The following CHSY3 variants were observed in gnomAD, a reference collection of about 807,000 sequenced individuals.
CHSY3 encodes chondroitin sulfate synthase 3.
Under a neutral mutation model 67.2 loss-of-function variants are expected in CHSY3, and 35 were observed. The ratio of observed to expected loss-of-function variants is 0.52; its 90% CI spans 0.40 to 0.69. CHSY3 has a LOEUF of 0.69. Among genes scored for constraint, CHSY3 ranks in the 30% least tolerant of loss-of-function variants. The pLI, the probability that CHSY3 is intolerant of heterozygous loss-of-function variation, is 0.00. For synonymous variants in CHSY3, 474 were observed against 434.7 expected, an observed-to-expected ratio of 1.09 and a Z score of -1.12; for missense variants, 1,069 against 1,138.5, an observed-to-expected ratio of 0.94 and a Z score of 0.88.
At chr5:130,119,790 C>T (rs1414367259) in intron 2 of CHSY3, among the ~76,000 whole-genome samples, 7 of 152,136 alleles carry the variant, frequency 4.6e-5, no homozygotes, top group Non-Finnish European at 8.8e-5. Context: ...TTTCTACTTA[C>T]TATCACTCCT....
intron 2 of CHSY3, among the ~76,000 whole-genome samples, chr5:129,937,078 T>C (rs1435437090): frequency 6.6e-6 from 1 of 152,206 alleles, no homozygotes; most frequent in Non-Finnish European, 1.5e-5. Flanking sequence ...CACTTGAAGG[T>C]AAACTCTTCC....
chr5:130,174,298 TAAAA>T (rs1187464665), intron 2 of CHSY3, among the ~76,000 whole-genome samples: 2 of 144,650 alleles, frequency 1.4e-5, no homozygotes, highest in Middle Eastern at 3.6e-3. Context: ...CCTTTCTCGT[TAAAA>T]AAAAAAAAGT....
chr5:129,942,117 A>G (rs1014046619), intron 2 of CHSY3, among the ~76,000 whole-genome samples: 1 of 152,102 alleles, frequency 6.6e-6, no homozygotes, highest in African/African-American at 2.4e-5. Context: ...TAAAATCTAC[A>G]ATCAGAAAGG....
chr5:130,051,090 A>G (rs1359401297), intron 2 of CHSY3, among the ~76,000 whole-genome samples: 4 of 152,148 alleles, frequency 2.6e-5, no homozygotes, highest in African/African-American at 9.7e-5. Flanking sequence ...TATAATTGCA[A>G]GTAAATCTTT....
chr5:130,025,913 G>C (rs958433211), intron 2 of CHSY3, among the ~76,000 whole-genome samples: 1 of 152,096 alleles, frequency 6.6e-6, no homozygotes, highest in African/African-American at 2.4e-5. Context: ...TGCGTAATTC[G>C]TTTTGACCAC....
chr5:130,090,081 G>A (rs1033297944), intron 2 of CHSY3, among the ~76,000 whole-genome samples: 1 of 152,030 alleles, frequency 6.6e-6, no homozygotes, highest in Non-Finnish European at 1.5e-5. Context: ...TTCACTCCAG[G>A]TACTAATACC....
intron 2 of CHSY3, among the ~76,000 whole-genome samples, chr5:129,985,196 TA>T (rs1390824234): frequency 6.6e-6 from 1 of 152,122 alleles, no homozygotes; most frequent in African/African-American, 2.4e-5. Context: ...GTTGGTTTTT[TA>T]AAATATGGTG....
At chr5:129,913,322 G>T (rs1760630061) in intron 2 of CHSY3, among the ~76,000 whole-genome samples, 3 of 152,126 alleles carry the variant, frequency 2.0e-5, no homozygotes, top group African/African-American at 4.8e-5. Flanking sequence ...CAAGTTTCAT[G>T]ATAATATTCT....
At chr5:130,107,077 G>A (rs949169745) in intron 2 of CHSY3, among the ~76,000 whole-genome samples, 2 of 151,128 alleles carry the variant, frequency 1.3e-5, no homozygotes, top group African/African-American at 4.8e-5. Context: ...ACTAAAATAT[G>A]GGTAACTAAG....
chr5:130,176,707 C>A (rs544228687), intron 2 of CHSY3, among the ~76,000 whole-genome samples: 1 of 152,106 alleles, frequency 6.6e-6, no homozygotes, highest in Non-Finnish European at 1.5e-5. Flanking sequence ...ATGGATGAAG[C>A]TGGAAACCAT....
chr5:130,037,845 A>G (rs1031986858), intron 2 of CHSY3, among the ~76,000 whole-genome samples: 15 of 152,224 alleles, frequency 9.9e-5, no homozygotes, highest in Admixed American at 6.5e-4. Flanking sequence ...AAAAGCAGCC[A>G]TTTGATCACA....
At chr5:130,133,778 A>G (rs1394298926) in intron 2 of CHSY3, among the ~76,000 whole-genome samples, 1 of 117,112 alleles carries the variant, frequency 8.5e-6, no homozygotes, top group African/African-American at 2.7e-5. Flanking sequence ...TCTTAAAAAA[A>G]AAAAAAAAAA....
intron 2 of CHSY3, among the ~76,000 whole-genome samples, chr5:130,128,554 CTT>C (rs1404066856): frequency 6.6e-6 from 1 of 152,056 alleles, no homozygotes; most frequent in Non-Finnish European, 1.5e-5. Context: ...ACAACATAAA[CTT>C]TATTATGCAA....
chr5:129,987,725 A>G (rs1409157182), intron 2 of CHSY3, among the ~76,000 whole-genome samples: 2 of 152,192 alleles, frequency 1.3e-5, no homozygotes, highest in Non-Finnish European at 2.9e-5. Flanking sequence ...TCTGTCTTGT[A>G]TTAGTTGACT....
At chr5:130,066,338 G>A (rs1765885315) in intron 2 of CHSY3, among the ~76,000 whole-genome samples, 2 of 152,144 alleles carry the variant, frequency 1.3e-5, no homozygotes, top group Admixed American at 1.3e-4. Flanking sequence ...ATCCAGAGAG[G>A]CCACTGAGAA....
At chr5:130,079,005 C>T (rs1456558191) in intron 2 of CHSY3, among the ~76,000 whole-genome samples, 1 of 152,160 alleles carries the variant, frequency 6.6e-6, no homozygotes, top group East Asian at 1.9e-4. Context: ...ATTTCTTCTC[C>T]TCCAAAGGTT....
At chr5:130,175,146 C>T (rs529594193) in intron 2 of CHSY3, among the ~76,000 whole-genome samples, 4 of 151,726 alleles carry the variant, frequency 2.6e-5, no homozygotes, top group South Asian at 2.1e-4. Context: ...TATGTAAAGC[C>T]CTTCAGCAAA....
intron 2 of CHSY3, chr5:130,001,841 C>A: frequency 1.1e-6 from 1 of 877,714 alleles, no homozygotes; most frequent in Non-Finnish European, 1.4e-6. Flanking sequence ...AACTGACATT[C>A]AGAAATTTAA....
At chr5:130,071,782 C>T (rs1766079901) in intron 2 of CHSY3, among the ~76,000 whole-genome samples, 1 of 151,766 alleles carries the variant, frequency 6.6e-6, no homozygotes, top group African/African-American at 2.4e-5. Flanking sequence ...TTTTGAGGAC[C>T]CTTTGTATTA....
Sources: allele counts gnomAD v4.1 joint callset (sites outside exome capture counted in the v4.1 genomes callset), GRCh38; gene constraint gnomAD v4.1.1; transcripts MANE v1.5; gene names NCBI Gene and HGNC (gene_info 2026-07-23, HGNC 2026-07-21).